TIGD2: variants seen among roughly 807,000 people sequenced by gnomAD.
The protein encoded by TIGD2 is tigger transposable element derived 2, also known as tigger transposable element-derived protein 2.
Under a neutral mutation model 27.0 loss-of-function variants are expected in TIGD2, and 14 were observed. That is an observed-to-expected ratio of 0.52 (90% confidence interval 0.34 to 0.81). TIGD2 has a LOEUF of 0.81. Among genes scored for constraint, TIGD2 ranks in the 30% least tolerant of loss-of-function variants. TIGD2 has a pLI of 0.01. For missense variants in TIGD2, 590 were observed against 617.3 expected, an observed-to-expected ratio of 0.96 and a Z score of 0.47; for synonymous variants, 201 against 209.0, an observed-to-expected ratio of 0.96 and a Z score of 0.33.
chr4:89,111,332 G>A (rs1721044672), upstream of TIGD2: 3 of 608,336 alleles, frequency 4.9e-6, no homozygotes, highest in South Asian at 1.5e-4. Flanking sequence ...GCCTCCCCCT[G>A]CCGGCCAGGG....
chr4:89,113,699 T>C lies in TIGD2; in HGVS notation c.725T>C (p.Leu242Pro). 6.2e-7 allele frequency: 1 copy of C among 1,614,206 alleles called. No homozygotes were observed. Among genetic ancestry groups the C allele is most frequent in the Non-Finnish European group, 8.5e-7 (1 of 1,180,028 alleles). ...CCCCGAGCATTCAAAGGCACTGACC[T>C]TTCAAACCTTCCTGTGACATATTAC... ...KKPRAFKGTD[L>P]SNLPVTYYSQ... is the part of the protein sequence containing the mutation. Residue 242 changes from leucine (L) to proline (P), a missense_variant, in exon 2 of 2, where the codon CTT becomes CCT. Leu to Pro is a moderately conservative substitution (Grantham distance 98). Coordinates refer to ENST00000603357, the MANE Select transcript of TIGD2 (RefSeq NM_145715.3).
rs946207422 is a variant in TIGD2 at position 89,112,339 on chromosome 4, C to T, written c.-636C>T. On this transcript the variant is annotated 5_prime_UTR_variant, in exon 2 of 2. Transcript: ENST00000603357. ...TAGAGTTTTCTGCCTGTTCCACTTT[C>T]ACCTTATTTGCACTGTTCACTTCTG... 1 of 152,216 alleles carries T rather than the reference C, an allele frequency of 6.6e-6. No homozygotes were observed. Among genetic ancestry groups the T allele is most frequent in the African/African-American group, 2.4e-5 (1 of 41,456 alleles). The allele number at this position is 152,216 out of a possible 1,614,324, so 9.4% of individuals were successfully genotyped here. A position where few individuals can be genotyped will look rare whatever the true frequency, so the allele number is the denominator to read the frequency against.
Position 89,113,050 on chromosome 4 carries a change from A to G in TIGD2, c.76A>G (p.Ile26Val), listed in dbSNP as rs1323719590. The change falls in exon 2 of 2, where the codon ATC (isoleucine) becomes GTC (valine). Residue 26 changes from isoleucine to valine, a missense_variant. Ile to Val is a conservative substitution (Grantham distance 29). Transcript: ENST00000603357. ...LDIIKKLEEG[I>V]SFKKLSVVYG... ...CATTATTAAGAAACTTGAGGAAGGC[A>G]TCTCTTTCAAAAAACTTTCCGTGGT... is the stretch of plus-strand genomic sequence containing the variant. 2 of 1,612,590 alleles carry G rather than the reference A, an allele frequency of 1.2e-6. No individual in the cohort carries two copies. Among genetic ancestry groups the G allele is most frequent in the East Asian group, 2.2e-5 (1 of 44,878 alleles).
Position 89,112,603 on chromosome 4 carries a change from G to C in TIGD2, c.-372G>C, listed in dbSNP as rs1721117830. On this transcript the variant is annotated 5_prime_UTR_variant, in exon 2 of 2. Transcript: ENST00000603357. ...AAATACTTCCACCTGAGATTTAGTG[G>C]CTATTCTGGCAAAGAACATTACCTG... 6.0e-6 allele frequency: 1 copy of C among 167,804 alleles called. No homozygotes were observed. Among genetic ancestry groups the C allele is most frequent in the African/African-American group, 2.4e-5 (1 of 42,008 alleles). 10.4% of individuals were successfully genotyped at this position (167,804 alleles called of 1,614,324 possible). A position where few individuals can be genotyped will look rare whatever the true frequency, so the allele number is the denominator to read the frequency against.
At position 89,114,378 on chromosome 4, in the gene TIGD2, A is replaced by G. The variant is rs1721172883; in HGVS notation, c.1404A>G (p.Thr468=). The G allele has an allele frequency of 1.2e-6, 2 of 1,614,144 alleles. No homozygotes were observed. The highest frequency in any genetic ancestry group is 1.7e-6 in the Non-Finnish European group (2 of 1,180,008). The part of the protein sequence containing the change: ...EQKPSSKSRK[T]ELNPEKHISH... ...AGCCTTCCAGTAAGAGTAGAAAAAC[A>G]GAACTGAATCCAGAGAAGCATATTA... The change falls in exon 2 of 2, where the codon ACA becomes ACG. Residue 468 remains threonine, a synonymous_variant. Transcript: ENST00000603357.
In TIGD2 at chr4:89,113,109, T is replaced by C. The variant is rs569985476; in HGVS notation, c.135T>C (p.Ile45=). ...TTGGTGAATCCACAGTTCGTGATAT[T>C]AAAAAGAACAAAGAAAGGATTATAA... ...YGIGESTVRD[I]KKNKERIINY... The change falls in exon 2 of 2, where the codon ATT becomes ATC. Residue 45 remains isoleucine (I), a synonymous_variant. Coordinates refer to ENST00000603357, the MANE Select transcript of TIGD2 (RefSeq NM_145715.3). 1 of 1,614,032 alleles carries C rather than the reference T, an allele frequency of 6.2e-7. No homozygotes were observed. Among genetic ancestry groups the C allele is most frequent in the South Asian group, 1.1e-5 (1 of 91,034 alleles).
In TIGD2 at chr4:89,113,339, C is replaced by T. The variant is rs1721147770; in HGVS notation, c.365C>T (p.Ser122Leu). 1.2e-6 allele frequency: 2 copies of T among 1,614,158 alleles called. No individual in the cohort carries two copies. The highest frequency in any genetic ancestry group is 1.7e-6 in the Non-Finnish European group (2 of 1,180,036). The change falls in exon 2 of 2, where the codon TCG becomes TTG. Residue 122 changes from serine to leucine, a missense_variant. By Grantham distance (145) the Ser-to-Leu change is moderately radical. Coordinates refer to ENST00000603357, the MANE Select transcript of TIGD2 (RefSeq NM_145715.3). ...GGAATGGAAGGTGATTTTAATGCATCGTCAGGCTGGCTAACTCGATTTAAG... is the reference window on the plus strand; with the variant it reads ...GGAATGGAAGGTGATTTTAATGCATTGTCAGGCTGGCTAACTCGATTTAAG... ...ALGMEGDFNA[S>L]SGWLTRFKQR...
At chr4:89,111,225 TG>T, upstream of TIGD2, 2 of 983,960 alleles carry the variant, frequency 2.0e-6, no homozygotes, top group Non-Finnish European at 2.4e-6. Context: ...CCCCCAGCAC[TG>T]GGGGGGTGAG....
rs778791833 is a variant in TIGD2, at chr4:89,113,406, A to C, written c.432A>C (p.Lys144Asn). The change falls in exon 2 of 2, where the codon AAA (lysine) becomes AAC (asparagine). Residue 144 changes from lysine (K) to asparagine (N), a missense_variant. Transcript: ENST00000603357. ...CAAAGGCTGCTGGTAAAGGAACAAA[A>C]TTAAAAGGAGATGAAACTGCTGCCA... The part of the protein sequence containing the change: ...GIPKAAGKGT[K>N]LKGDETAARE... 1 of 1,614,212 alleles carries C rather than the reference A, an allele frequency of 6.2e-7. No homozygotes were observed. Among genetic ancestry groups the C allele is most frequent in the South Asian group, 1.1e-5 (1 of 91,082 alleles).
chr4:89,111,530 T>G (rs946677082), upstream of TIGD2: 3 of 152,182 alleles, frequency 2.0e-5, no homozygotes, highest in East Asian at 5.8e-4. Context: ...GCGCGTGCTC[T>G]CTAATCCCCC....
In TIGD2 at chr4:89,114,369, T is replaced by C. The variant is rs747783057; in HGVS notation, c.1395T>C (p.Ser465=). 1.9e-6 allele frequency: 3 copies of C among 1,613,514 alleles called. No homozygotes were observed. The highest frequency in any genetic ancestry group is 1.3e-5 in the African/African-American group (1 of 74,760). ...CTGAGCAAAAGCCTTCCAGTAAGAG[T>C]AGAAAAACAGAACTGAATCCAGAGA... ...KAAEQKPSSK[S]RKTELNPEKH... is the part of the protein sequence containing the mutation. Residue 465 remains serine, a synonymous_variant, in exon 2 of 2, where the codon AGT becomes AGC. Transcript: ENST00000603357.
chr4:89,114,314 G>A lies in TIGD2; in HGVS notation c.1340G>A (p.Ser447Asn). The change falls in exon 2 of 2, where the codon AGT becomes AAT. Residue 447 changes from serine to asparagine, a missense_variant. By Grantham distance (46) the Ser-to-Asn change is conservative. Coordinates refer to ENST00000603357, the MANE Select transcript of TIGD2 (RefSeq NM_145715.3). ...SDSSCQVLTDSESAEDQTKAA... is the reference protein window; with the variant it reads ...SDSSCQVLTDNESAEDQTKAA... Reference sequence around the variant, plus strand: ...TCAAGCTGTCAGGTGCTGACTGACAGTGAAAGTGCTGAGGACCAGACCAAG... The same window carrying A: ...TCAAGCTGTCAGGTGCTGACTGACAATGAAAGTGCTGAGGACCAGACCAAG... 1 of 1,614,154 alleles carries A rather than the reference G, an allele frequency of 6.2e-7. No homozygotes were observed. The highest frequency in any genetic ancestry group is 1.7e-5 in the Admixed American group (1 of 60,030).
rs369862040 is a variant in TIGD2 at position 89,113,512 on chromosome 4, G to A, written c.538G>A (p.Gly180Arg). The A allele has an allele frequency of 6.8e-6, 11 of 1,613,890 alleles. No homozygotes were observed. Among genetic ancestry groups the A allele is most frequent in the African/African-American group, 4.0e-5 (3 of 74,898 alleles). ...GCAAATTTATGGTGCTGATCAAACT[G>A]GATTGTTTTGGAAATGTCTACCATC... ...PEQIYGADQT[G>R]LFWKCLPSRT... Residue 180 changes from glycine (G) to arginine (R), a missense_variant, in exon 2 of 2, where the codon GGA becomes AGA. By Grantham distance (125) the Gly-to-Arg change is moderately radical. Transcript: ENST00000603357.
At position 89,112,814 on chromosome 4, in the gene TIGD2, G is replaced by A; in HGVS notation, c.-161G>A. 1 of 582,416 alleles carries A rather than the reference G, an allele frequency of 1.7e-6. No homozygotes were observed. Among genetic ancestry groups the A allele is most frequent in the South Asian group, 2.6e-5 (1 of 37,954 alleles). The allele number at this position is 582,416 out of a possible 1,614,324, so 36.1% of individuals were successfully genotyped here. A position where few individuals can be genotyped will look rare whatever the true frequency, so the allele number is the denominator to read the frequency against. On this transcript the variant is annotated 5_prime_UTR_variant, in exon 2 of 2. Coordinates refer to ENST00000603357, the MANE Select transcript of TIGD2 (RefSeq NM_145715.3). ...AAGTTTGTAAGTTTTAAAATAGCAA[G>A]TAGATTCACGTAGACCTTGTCAGGA...
In TIGD2 at chr4:89,114,551, A is replaced by T; in HGVS notation, c.1577A>T (p.Ter526LeuextTer1). 1 of 1,578,942 alleles carries T rather than the reference A, an allele frequency of 6.3e-7. No individual in the cohort carries two copies. The highest frequency in any genetic ancestry group is 8.6e-7 in the Non-Finnish European group (1 of 1,160,064). ...KQKIQNNKNH[*>L] ...AAGATCCAAAATAACAAAAATCATTAATAAGGCTCTTAAGTATTTCAGTGT... is the reference window on the plus strand; with the variant it reads ...AAGATCCAAAATAACAAAAATCATTTATAAGGCTCTTAAGTATTTCAGTGT... The change falls in exon 2 of 2, where the codon TAA (stop) becomes TTA (leucine). Residue 526 changes from the stop codon to leucine, a stop_lost. Coordinates refer to ENST00000603357, the MANE Select transcript of TIGD2 (RefSeq NM_145715.3).
chr4:89,111,248 T>C (rs1051115604), upstream of TIGD2: 2 of 979,070 alleles, frequency 2.0e-6, no homozygotes, highest in African/African-American at 3.5e-5. Flanking sequence ...TTTTAAAATT[T>C]CCCCCTAGGG....
Position 89,113,018 on chromosome 4 carries a change from A to T in TIGD2, c.44A>T (p.Lys15Met). Residue 15 changes from lysine to methionine, a missense_variant, in exon 2 of 2, where the codon AAG becomes ATG. By Grantham distance (95) the Lys-to-Met change is moderately conservative (BLOSUM62 -1). This residue lies in a region of TIGD2 where 92 missense variants were observed against 89.6 expected (regional missense o/e 1.03). Coordinates refer to ENST00000603357, the MANE Select transcript of TIGD2 (RefSeq NM_145715.3). ...RKRVVLTIKD[K>M]LDIIKKLEEG... The stretch of plus-strand genomic sequence containing the variant: ...CGTGTGGTGTTGACAATTAAGGACA[A>T]GCTTGACATTATTAAGAAACTTGAG... The T allele has an allele frequency of 6.2e-7, 1 of 1,608,606 alleles. No homozygotes were observed. Among genetic ancestry groups the T allele is most frequent in the South Asian group, 1.1e-5 (1 of 89,696 alleles).
At position 89,113,073 on chromosome 4, in the gene TIGD2, G is replaced by A. The variant is rs1320325578; in HGVS notation, c.99G>A (p.Val33=). Reference sequence around the variant, plus strand: ...GCATCTCTTTCAAAAAACTTTCCGTGGTGTACGGAATTGGTGAATCCACAG... The same window carrying A: ...GCATCTCTTTCAAAAAACTTTCCGTAGTGTACGGAATTGGTGAATCCACAG... ...EEGISFKKLS[V]VYGIGESTVR... is the part of the protein sequence containing the mutation. The change falls in exon 2 of 2, where the codon GTG becomes GTA. Residue 33 remains valine, a synonymous_variant. Transcript: ENST00000603357. 1.2e-6 allele frequency: 2 copies of A among 1,613,222 alleles called. No homozygotes were observed. The highest frequency in any genetic ancestry group is 1.3e-5 in the African/African-American group (1 of 74,870).
chr4:89,113,706 C>T lies in TIGD2; in HGVS notation c.732C>T (p.Asn244=). 6.2e-7 allele frequency: 1 copy of T among 1,614,164 alleles called. No homozygotes were observed. Among genetic ancestry groups the T allele is most frequent in the Non-Finnish European group, 8.5e-7 (1 of 1,180,032 alleles). ...PRAFKGTDLS[N]LPVTYYSQKG... is the part of the protein sequence containing the mutation. ...CATTCAAAGGCACTGACCTTTCAAA[C>T]CTTCCTGTGACATATTACAGTCAAA... The change falls in exon 2 of 2, where the codon AAC becomes AAT. Residue 244 remains asparagine, a synonymous_variant. Transcript: ENST00000603357.
Sources: allele counts gnomAD v4.1 joint callset, GRCh38; gene constraint gnomAD v4.1.1; regional missense constraint gnomAD v4.1.1; transcripts MANE v1.5; gene names NCBI Gene and HGNC (gene_info 2026-07-23, HGNC 2026-07-21).